The following ATRNL1 variants were observed in gnomAD, a reference collection of about 807,000 sequenced individuals.
The protein encoded by ATRNL1 is attractin-like protein 1.
ATRNL1 carries 95 observed loss-of-function variants against 182.7 expected under a neutral mutation model. That is an observed-to-expected ratio of 0.52 (90% CI 0.44 to 0.62). ATRNL1 has a LOEUF of 0.62. Among genes scored for constraint, ATRNL1 ranks in the 20% least tolerant of loss-of-function variants. The probability of loss-of-function intolerance (pLI) is 0.00; values close to 1 mark genes in which losing one functional copy is unlikely to be tolerated. For synonymous variants in ATRNL1, 576 were observed against 568.3 expected (o/e 1.01, Z -0.19); for missense variants, 1,471 against 1,679.5 (o/e 0.88, Z 2.17).
chr10:115,325,038 T>C (rs950284336), intron 18 of ATRNL1, among the ~76,000 whole-genome samples: 1 of 152,216 alleles, frequency 6.6e-6, no homozygotes, highest in Non-Finnish European at 1.5e-5. Context: ...TTATTAAGAT[T>C]GTCACAAAGA....
rs566007063 is a variant in ATRNL1 at position 115,443,156 on chromosome 10, T to C, written c.3322+16854T>C. 3.3e-4 allele frequency among the ~76,000 whole-genome samples: 50 copies of C among 152,166 alleles called. 1 individual carries two copies. In the South Asian group the frequency reaches 9.9e-3, roughly 30 times the overall value. On this transcript the variant is annotated intron_variant, in intron 21 of 28. Transcript: ENST00000355044. ...CTCTATTGATGTAAAAGAAAAGCTA[T>C]TGATGATTATATGTGTTTAAATTTT...
intron 24 of ATRNL1, among the ~76,000 whole-genome samples, chr10:115,480,468 A>C (rs906950445): frequency 2.6e-5 from 4 of 151,136 alleles, no homozygotes; most frequent in Non-Finnish European, 5.9e-5. Context: ...TTTTTTAAAA[A>C]AGTTTCAATT....
chr10:115,160,957 G>A (rs1554883137), intron 6 of ATRNL1, among the ~76,000 whole-genome samples: 1 of 151,834 alleles, frequency 6.6e-6, no homozygotes, highest in South Asian at 2.1e-4. Context: ...GCCAGATTTA[G>A]CAGATAAATA....
intron 1 of ATRNL1, among the ~76,000 whole-genome samples, chr10:115,099,931 A>C (rs534944782): frequency 3.9e-5 from 6 of 152,200 alleles, no homozygotes; most frequent in Non-Finnish European, 8.8e-5. Context: ...CAAAGAATCT[A>C]AGTTTTAAAT....
At chr10:115,809,876 A>G (rs1433933496) in intron 27 of ATRNL1, among the ~76,000 whole-genome samples, 2 of 150,384 alleles carry the variant, frequency 1.3e-5, no homozygotes, top group Non-Finnish European at 2.9e-5. Flanking sequence ...TATTTCATAT[A>G]TTAGGGGGAA....
chr10:115,672,082 C>T (rs1249144109), intron 26 of ATRNL1, among the ~76,000 whole-genome samples: 1 of 151,890 alleles, frequency 6.6e-6, no homozygotes, highest in Non-Finnish European at 1.5e-5. Flanking sequence ...GAAAGAAAAA[C>T]AAATAACATA....
At chr10:115,471,823 T>G (rs1334928198) in intron 24 of ATRNL1, among the ~76,000 whole-genome samples, 1 of 151,216 alleles carries the variant, frequency 6.6e-6, no homozygotes, top group Non-Finnish European at 1.5e-5. Context: ...TTGTTTCCTT[T>G]GCTGTGCCAG....
intron 26 of ATRNL1, among the ~76,000 whole-genome samples, chr10:115,574,261 C>G (rs922427858): frequency 3.3e-5 from 5 of 150,664 alleles, no homozygotes; most frequent in African/African-American, 1.2e-4. Context: ...TACATAACTA[C>G]ATATGTACAT....
At chr10:115,592,355 G>A (rs1855962127) in intron 26 of ATRNL1, among the ~76,000 whole-genome samples, 1 of 151,792 alleles carries the variant, frequency 6.6e-6, no homozygotes, top group Non-Finnish European at 1.5e-5. Context: ...CAGTGATGGT[G>A]TTTCTTGAAA....
At chr10:115,123,359 A>G (rs1844825081) in intron 3 of ATRNL1, among the ~76,000 whole-genome samples, 1 of 152,174 alleles carries the variant, frequency 6.6e-6, no homozygotes, top group African/African-American at 2.4e-5. Context: ...CAGAGAAGTT[A>G]TTTGCTTCTA....
chr10:115,934,792 T>G (rs2134603373), intron 28 of ATRNL1, among the ~76,000 whole-genome samples: 1 of 152,308 alleles, frequency 6.6e-6, no homozygotes, highest in South Asian at 2.1e-4. Context: ...GCCTTGCAGA[T>G]TAAAAATCAA....
chr10:115,336,088 G>A (rs561877914), intron 19 of ATRNL1, among the ~76,000 whole-genome samples: 1 of 152,268 alleles, frequency 6.6e-6, no homozygotes, highest in South Asian at 2.1e-4. Context: ...TTACAAAACT[G>A]TATGGTATTA....
intron 27 of ATRNL1, among the ~76,000 whole-genome samples, chr10:115,763,760 A>ATGTATGTATGTATT (rs1555074256): frequency 6.6e-6 from 1 of 152,206 alleles, no homozygotes; most frequent in African/African-American, 2.4e-5. Context: ...ACATATACAT[A>ATGTATGTATGTATT]TGTATGTATG....
chr10:115,407,986 T>TG (rs1565009043), intron 20 of ATRNL1, among the ~76,000 whole-genome samples: 4 of 44,114 alleles, frequency 9.1e-5, no homozygotes, highest in Admixed American at 1.5e-4. Context: ...TTTGCATTTC[T>TG]TTTTTTTTTT....
rs1554984650 is a variant in ATRNL1 at position 115,519,320 on chromosome 10, T to C, written c.3712T>C (p.Phe1238Leu). The change falls in exon 25 of 29, where the codon TTC becomes CTC. Residue 1238 changes from phenylalanine (F) to leucine (L), a missense_variant. Phe to Leu is a conservative substitution (Grantham distance 22, BLOSUM62 0). Around this residue, in one of 3 missense-constraint regions of ATRNL1, gnomAD observed 437 missense variants for 506.0 expected, o/e 0.86. Transcript: ENST00000355044. ...MDLVQFFVTF[F>L]SCFLSLLLVA... Reference sequence around the variant, plus strand: ...CCTTGTGCAGTTTTTTGTCACCTTCTTCAGGTAAAAGTTTGCTTTGACTGA... The same window carrying C: ...CCTTGTGCAGTTTTTTGTCACCTTCCTCAGGTAAAAGTTTGCTTTGACTGA... 2 of 1,611,366 alleles carry C rather than the reference T, an allele frequency of 1.2e-6. No individual in the cohort carries two copies. The highest frequency in any genetic ancestry group is 1.7e-6 in the Non-Finnish European group (2 of 1,178,652).
intron 5 of ATRNL1, among the ~76,000 whole-genome samples, chr10:115,133,908 C>G (rs1251949365): frequency 6.6e-6 from 1 of 152,090 alleles, no homozygotes; most frequent in Non-Finnish European, 1.5e-5. Flanking sequence ...CAAAACTGCT[C>G]AACTACATGG....
intron 17 of ATRNL1, among the ~76,000 whole-genome samples, chr10:115,305,753 A>G (rs534281161): frequency 1.3e-5 from 2 of 152,184 alleles, no homozygotes; most frequent in Non-Finnish European, 2.9e-5. Flanking sequence ...ATTGTTTAGA[A>G]ATGCGTATTT....
intron 26 of ATRNL1, among the ~76,000 whole-genome samples, chr10:115,669,914 T>G (rs375654177): frequency 2.0e-5 from 3 of 152,076 alleles, no homozygotes; most frequent in East Asian, 1.9e-4. Flanking sequence ...TACTTAGAGG[T>G]GTTTTTAACA....
intron 25 of ATRNL1, among the ~76,000 whole-genome samples, chr10:115,538,112 A>G (rs1852145425): frequency 6.6e-6 from 1 of 152,178 alleles, no homozygotes; most frequent in Non-Finnish European, 1.5e-5. Context: ...ATTGAGAGAT[A>G]TGGATTGTTA....
Sources: allele counts gnomAD v4.1 joint callset (sites outside exome capture counted in the v4.1 genomes callset), GRCh38; gene constraint gnomAD v4.1.1; regional missense constraint gnomAD v4.1.1; transcripts MANE v1.5; gene names NCBI Gene and HGNC (gene_info 2026-07-23, HGNC 2026-07-21).